Variants in FHIT observed in about 807,000 individuals in gnomAD.
The protein encoded by FHIT is bis(5'-adenosyl)-triphosphatase.
FHIT carries 19 observed loss-of-function variants against 17.9 expected under a neutral mutation model. The observed-to-expected ratio is 1.06, with a 90% confidence interval of 0.74 to 1.56. The LOEUF (loss-of-function observed/expected upper bound fraction) is 1.56, where lower values mean the gene tolerates loss of function less well. Ranked by LOEUF, FHIT falls within the 40% of genes most tolerant of loss-of-function variation. The probability of loss-of-function intolerance (pLI) is 0.00; values close to 1 mark genes in which losing one functional copy is unlikely to be tolerated. For missense variants in FHIT, 248 were observed against 189.2 expected, an observed-to-expected ratio of 1.31 and a Z score of -1.82; for synonymous variants, 81 against 69.7, an observed-to-expected ratio of 1.16 and a Z score of -0.81.
chr3:61,052,411 C>T (rs1014068412), intron 2 of FHIT, among the ~76,000 whole-genome samples: 15 of 152,146 alleles, frequency 9.9e-5, no homozygotes, highest in Admixed American at 7.9e-4. Flanking sequence ...CTCACACCCA[C>T]GGCTATGAAA....
chr3:59,802,731 C>T (rs1204452032), intron 8 of FHIT, among the ~76,000 whole-genome samples: 1 of 152,208 alleles, frequency 6.6e-6, no homozygotes, highest in African/African-American at 2.4e-5. Context: ...TTCACATGGA[C>T]ACGCGTGACA....
chr3:59,998,392 C>T (rs1164405379), intron 7 of FHIT, among the ~76,000 whole-genome samples: 1 of 152,000 alleles, frequency 6.6e-6, no homozygotes, highest in East Asian at 1.9e-4. Flanking sequence ...TTTTATGGAG[C>T]AAATATTGCC....
intron 4 of FHIT, among the ~76,000 whole-genome samples, chr3:60,638,540 G>T (rs530022681): frequency 6.6e-6 from 1 of 152,094 alleles, no homozygotes; most frequent in Non-Finnish European, 1.5e-5. Context: ...TTAATGTTCA[G>T]GTCGTGTACC....
chr3:61,232,278 T>C (rs978758488), intron 1 of FHIT, among the ~76,000 whole-genome samples: 1 of 152,060 alleles, frequency 6.6e-6, no homozygotes, highest in Non-Finnish European at 1.5e-5. Context: ...TCCCAGCTTC[T>C]TGGGAGGCTG....
intron 7 of FHIT, among the ~76,000 whole-genome samples, chr3:59,937,422 T>C (rs1447884065): frequency 6.6e-6 from 1 of 152,190 alleles, no homozygotes; most frequent in East Asian, 1.9e-4. Context: ...TCATGACATG[T>C]CAGCGTGCTT....
At chr3:60,293,646 T>G (rs377169273) in intron 5 of FHIT, among the ~76,000 whole-genome samples, 1 of 151,982 alleles carries the variant, frequency 6.6e-6, no homozygotes, top group African/African-American at 2.4e-5. Context: ...AACGGTCCCT[T>G]GTTTAATGCC....
intron 7 of FHIT, among the ~76,000 whole-genome samples, chr3:59,955,327 ATTCT>A (rs1055147505): frequency 1.3e-4 from 20 of 152,110 alleles, no homozygotes; most frequent in Admixed American, 1.3e-3. Context: ...CTTTCCTGCT[ATTCT>A]TTCTTTCTGG....
chr3:60,806,645 TAGG>T (rs1352021116), intron 4 of FHIT, among the ~76,000 whole-genome samples: 1 of 152,212 alleles, frequency 6.6e-6, no homozygotes, highest in Non-Finnish European at 1.5e-5. Context: ...TTTTACCTGG[TAGG>T]AGGATGATTT....
At chr3:60,847,444 G>A (rs1171853709) in intron 3 of FHIT, among the ~76,000 whole-genome samples, 1 of 151,940 alleles carries the variant, frequency 6.6e-6, no homozygotes, top group African/African-American at 2.4e-5. Flanking sequence ...TCACATTGCA[G>A]AAGATTGGAC....
At chr3:60,808,869 G>A (rs1701482925) in intron 4 of FHIT, among the ~76,000 whole-genome samples, 1 of 152,098 alleles carries the variant, frequency 6.6e-6, no homozygotes, top group Admixed American at 6.5e-5. Flanking sequence ...ATTCTATTTT[G>A]GTTTGGACTG....
intron 5 of FHIT, among the ~76,000 whole-genome samples, chr3:60,306,179 C>T (rs915679662): frequency 1.3e-5 from 2 of 152,082 alleles, no homozygotes; most frequent in South Asian, 4.1e-4. Context: ...TTTATTAACT[C>T]CAGATTCTTT....
At chr3:59,991,394 A>T (rs572098330) in intron 7 of FHIT, among the ~76,000 whole-genome samples, 1 of 152,178 alleles carries the variant, frequency 6.6e-6, no homozygotes, top group South Asian at 2.1e-4. Context: ...TTTGGCCTGC[A>T]ATGTAAATGA....
At chr3:59,802,909 T>G (rs1415002319) in intron 8 of FHIT, among the ~76,000 whole-genome samples, 1 of 152,128 alleles carries the variant, frequency 6.6e-6, no homozygotes. Context: ...GGGGCTTTAT[T>G]TATTTATTGG....
intron 5 of FHIT, among the ~76,000 whole-genome samples, chr3:60,257,729 A>C (rs1706074805): frequency 6.6e-6 from 1 of 152,156 alleles, no homozygotes; most frequent in African/African-American, 2.4e-5. Context: ...AAGGAATGAG[A>C]TCATGTCCTT....
chr3:59,992,738 G>C (rs1347828036), intron 7 of FHIT, among the ~76,000 whole-genome samples: 2 of 152,060 alleles, frequency 1.3e-5, no homozygotes, highest in Admixed American at 6.6e-5. Context: ...AGAGGATACA[G>C]CTGTCATCTG....
rs566656875 is a variant in FHIT, at chr3:61,122,009, T to C, written c.-164+78608A>G. On this transcript the variant is annotated intron_variant, in intron 2 of 9. Transcript: ENST00000492590. ...AGGGCATTACATAATGGTAAAGGGA[T>C]CGATGCAACAAGAAAAGCTAACTAT... 7.2e-5 allele frequency among the ~76,000 whole-genome samples: 11 copies of C among 152,074 alleles called. No individual in the cohort carries two copies. The East Asian group carries it at 2.1e-3, about 29-fold the overall frequency.
intron 3 of FHIT, among the ~76,000 whole-genome samples, chr3:60,908,800 A>G (rs1165766813): frequency 6.6e-6 from 1 of 152,118 alleles, no homozygotes; most frequent in Non-Finnish European, 1.5e-5. Context: ...GGCAACACAC[A>G]AAGAGAAGCT....
intron 5 of FHIT, among the ~76,000 whole-genome samples, chr3:60,468,713 C>T (rs1341554308): frequency 6.6e-6 from 1 of 152,088 alleles, no homozygotes; most frequent in Non-Finnish European, 1.5e-5. Flanking sequence ...GAGTAGTTTA[C>T]ATACTACAAT....
chr3:60,233,586 T>C (rs4679648), intron 5 of FHIT, among the ~76,000 whole-genome samples: 35,992 of 152,076 alleles, frequency 0.24, 4,539 homozygotes, highest in African/African-American at 0.33. Flanking sequence ...CATTATTTCT[T>C]CATAATCCTT....
Sources: allele counts gnomAD v4.1 joint callset (sites outside exome capture counted in the v4.1 genomes callset), GRCh38; gene constraint gnomAD v4.1.1; transcripts MANE v1.5; gene names NCBI Gene and HGNC (gene_info 2026-07-23, HGNC 2026-07-21).